RPS3: variants seen among roughly 807,000 people sequenced by gnomAD.
RPS3 encodes ribosomal protein S3.
In RPS3, 2 loss-of-function variants were observed where a neutral mutation model predicts 25.8. The ratio of observed to expected loss-of-function variants is 0.08; its 90% CI spans 0.03 to 0.24. The LOEUF (loss-of-function observed/expected upper bound fraction) is 0.24, where lower values mean the gene tolerates loss of function less well. Among genes scored for constraint, RPS3 ranks in the 10% least tolerant of loss-of-function variants. The pLI, the probability that RPS3 is intolerant of heterozygous loss-of-function variation, is 1.00. For synonymous variants in RPS3, 114 were observed against 114.2 expected (o/e 1.00, Z 0.01); for missense variants, 107 against 307.1 (o/e 0.35, Z 4.87).
chr11:75,409,921 G>A (rs1227738389), downstream of RPS3, among the ~76,000 whole-genome samples: 2 of 148,600 alleles, frequency 1.3e-5, no homozygotes, highest in African/African-American at 5.0e-5. Flanking sequence ...CCCGGACGGG[G>A]CGGCCGGCCG....
At chr11:75,402,518 T>C in intron 4 of RPS3, 72 bp downstream of exon 4, 2 of 1,498,366 alleles carry the variant, frequency 1.3e-6, no homozygotes, top group Non-Finnish European at 9.2e-7. Flanking sequence ...TTTGTTAATT[T>C]AGCAGATGAA....
At position 75,404,458 on chromosome 11, in the gene RPS3, G is replaced by T. The variant is rs17878419; in HGVS notation, c.539-214G>T. On this transcript the variant is annotated intron_variant, in intron 5 of 6. Transcript: ENST00000531188. This position sits in a 1 kb window ranked among gnomAD's most constrained non-coding sequence, Gnocchi z 4.6. ...CACGATGACGAGTCAGAAAGGTCAC[G>T]TCCTGCTCTTGGTCCTTGTCAGTGC... 5.1e-6 allele frequency: 4 copies of T among 791,270 alleles called. No homozygotes were observed. The Admixed American group carries it at 6.8e-5, about 13-fold the overall frequency. 49.0% of individuals were successfully genotyped at this position (791,270 alleles called of 1,614,324 possible). A position where few individuals can be genotyped will look rare whatever the true frequency, so the allele number is the denominator to read the frequency against.
At chr11:75,422,225 C>T (rs866950735) in exon 7 of RPS3, 5 of 190,746 alleles carry the variant, frequency 2.6e-5, no homozygotes, top group African/African-American at 1.2e-4. Context: ...CCTCATCAAA[C>T]ACCAGATCTG....
rs1948238113 is a variant in RPS3 at position 75,403,316 on chromosome 11, T to G, written c.351-704T>G. The G allele has an allele frequency of 2.0e-5, 3 of 152,254 alleles. No individual in the cohort carries two copies. The South Asian group carries it at 6.2e-4, about 32-fold the overall frequency. The allele number at this position is 152,254 out of a possible 1,614,324, so 9.4% of individuals were successfully genotyped here. On this transcript the variant is annotated intron_variant, in intron 4 of 6. Coordinates refer to ENST00000531188, the MANE Select transcript of RPS3 (RefSeq NM_001005.5). ...CTTAATAACCCCTCCACATGCTGTT[T>G]GCACACATTGAAGCAAGTTAATGAA...
At chr11:75,407,459 C>T (rs189347613), downstream of RPS3, among the ~76,000 whole-genome samples, 1,365 of 151,424 alleles carry the variant, frequency 9.0e-3, 17 homozygotes, top group South Asian at 0.049. Flanking sequence ...CTTGAACATC[C>T]GCAAATTATT....
intron 6 of RPS3, among the ~76,000 whole-genome samples, chr11:75,420,436 A>G (rs904225019): frequency 6.6e-6 from 1 of 152,172 alleles, no homozygotes; most frequent in Non-Finnish European, 1.5e-5. Context: ...TGCTGCACTC[A>G]AGCCATTTGT....
At chr11:75,402,067 A>G in intron 3 of RPS3, 1 of 545,144 alleles carries the variant, frequency 1.8e-6, no homozygotes, top group East Asian at 3.1e-5. Flanking sequence ...ATTGAGGGAT[A>G]CTGAAATTAT....
In RPS3 at chr11:75,406,489, G is replaced by C. The variant is rs980359778; in HGVS notation, c.*879G>C. On this transcript the variant is annotated 3_prime_UTR_variant, in exon 7 of 7. Coordinates refer to ENST00000531188, the MANE Select transcript of RPS3 (RefSeq NM_001005.5). ...TAACCCTGGCTCCACAGATGGCTTA[G>C]CAGGTGCTGTGATGATTTGGTTTTC... The C allele has an allele frequency of 1.3e-5, 2 of 152,242 alleles. No homozygotes were observed. Among genetic ancestry groups the C allele is most frequent in the Admixed American group, 6.5e-5 (1 of 15,284 alleles). The allele number at this position is 152,242 out of a possible 1,614,324, so 9.4% of individuals were successfully genotyped here.
At chr11:75,402,293 T>C in intron 3 of RPS3, 59 bp from the exon 4 acceptor site, 1 of 1,595,512 alleles carries the variant, frequency 6.3e-7, no homozygotes, top group Non-Finnish European at 8.6e-7. Flanking sequence ...TGCCAAATTT[T>C]CAACTTTCAG....
intron 6 of RPS3, among the ~76,000 whole-genome samples, chr11:75,414,347 C>CA (rs1948380018): frequency 6.6e-6 from 1 of 152,244 alleles, no homozygotes; most frequent in South Asian, 2.1e-4. Flanking sequence ...TGCCGTGGCT[C>CA]ACGCCTGTAA....
At chr11:75,403,063 T>A (rs1025737778) in intron 4 of RPS3, 5 of 152,190 alleles carry the variant, frequency 3.3e-5, no homozygotes, top group Non-Finnish European at 5.9e-5. Context: ...TTTGACTGTA[T>A]GTAAAGGCAC....
rs148505659 is a variant in RPS3 at position 75,418,935 on chromosome 11, G to A, written c.*4-2792G>A. Among the ~76,000 whole-genome samples the A allele has an allele frequency of 4.2e-3, 637 of 152,322 alleles. 10 individuals carry two copies. Among genetic ancestry groups the A allele is most frequent in the African/African-American group, 0.015 (622 of 41,570 alleles). On this transcript the variant is annotated intron_variant, in intron 6 of 6. Coordinates refer to the RPS3 transcript ENST00000527446. Reference sequence around the variant, plus strand: ...GCCTATTCTCACAGCCCTTTTTGTGGTGAGCAGGAGAGCTGGACTCTGAGC... The same window carrying A: ...GCCTATTCTCACAGCCCTTTTTGTGATGAGCAGGAGAGCTGGACTCTGAGC...
chr11:75,409,748 C>A (rs1418285914), downstream of RPS3, among the ~76,000 whole-genome samples: 2 of 151,254 alleles, frequency 1.3e-5, no homozygotes, highest in Admixed American at 6.6e-5. Flanking sequence ...CTCCTCACTT[C>A]CCAGTAGGGG....
In RPS3 at chr11:75,412,577, C is replaced by T. The variant is rs139041455; in HGVS notation, c.*3+7709C>T. On this transcript the variant is annotated intron_variant, in intron 6 of 6. Transcript: ENST00000527446. Reference sequence around the variant, plus strand: ...GGGTACATACTGCCCTCAGGGACTCCTGCCTCCACCCCACCAGTGATCCCA... The same window carrying T: ...GGGTACATACTGCCCTCAGGGACTCTTGCCTCCACCCCACCAGTGATCCCA... Among the ~76,000 whole-genome samples the T allele has an allele frequency of 6.6e-5, 10 of 152,260 alleles. 1 individual carries two copies. In the East Asian group the frequency reaches 1.9e-3, roughly 29 times the overall value.
At chr11:75,414,017 C>T (rs7119129) in intron 6 of RPS3, among the ~76,000 whole-genome samples, 8 of 152,206 alleles carry the variant, frequency 5.3e-5, no homozygotes, top group East Asian at 1.9e-4. Flanking sequence ...CCTCAGTGAA[C>T]GATTTTTCAG....
rs1291883534 is a variant in RPS3 at position 75,406,549 on chromosome 11, A to G, written c.*939A>G. On this transcript the variant is annotated 3_prime_UTR_variant, in exon 7 of 7. Transcript: ENST00000531188. ...AGACTGAGCTGCACATGGTGTTTATATTGCTTGGCACATGGTAAGGGCTTA... is the reference window on the plus strand; with the variant it reads ...AGACTGAGCTGCACATGGTGTTTATGTTGCTTGGCACATGGTAAGGGCTTA... The G allele has an allele frequency of 1.3e-5, 2 of 152,164 alleles. No individual in the cohort carries two copies. Among genetic ancestry groups the G allele is most frequent in the Admixed American group, 1.3e-4 (2 of 15,274 alleles). 9.4% of individuals were successfully genotyped at this position (152,164 alleles called of 1,614,324 possible).
intron 2 of RPS3, 90 bp downstream of exon 2, chr11:75,400,914 G>T: frequency 1.4e-6 from 2 of 1,437,966 alleles, no homozygotes; most frequent in African/African-American, 2.9e-5. Flanking sequence ...ACGGAGTCTT[G>T]CTCTGTCCCC....
intron 6 of RPS3, among the ~76,000 whole-genome samples, chr11:75,418,024 G>T (rs937110187): frequency 6.6e-6 from 1 of 152,262 alleles, no homozygotes; most frequent in Non-Finnish European, 1.5e-5. Flanking sequence ...CAGATAAGAG[G>T]TGCAGATACG....
chr11:75,410,077 CCCT>C (rs1238399841), downstream of RPS3, among the ~76,000 whole-genome samples: 198 of 141,952 alleles, frequency 1.4e-3, 3 homozygotes, highest in African/African-American at 5.3e-3. Flanking sequence ...GCTGACCCCC[CCCT>C]CCCCCCTCCC....
Sources: allele counts gnomAD v4.1 joint callset (sites outside exome capture counted in the v4.1 genomes callset), GRCh38; gene constraint gnomAD v4.1.1; non-coding constraint Gnocchi (gnomAD v3.1); transcripts MANE v1.5; gene names NCBI Gene and HGNC (gene_info 2026-07-23, HGNC 2026-07-21).